SH3BP5: variants seen among roughly 807,000 people sequenced by gnomAD.
SH3BP5 encodes SH3 domain-binding protein 5.
In SH3BP5, 22 loss-of-function variants were observed where a neutral mutation model predicts 43.3. The ratio of observed to expected loss-of-function variants is 0.51; its 90% CI spans 0.36 to 0.73. SH3BP5 has a LOEUF of 0.73. Among genes scored for constraint, SH3BP5 ranks in the 30% least tolerant of loss-of-function variants. The pLI, the probability that SH3BP5 is intolerant of heterozygous loss-of-function variation, is 0.00. For missense variants in SH3BP5, 529 were observed against 586.9 expected, an observed-to-expected ratio of 0.90 and a Z score of 1.02; for synonymous variants, 255 against 225.8, an observed-to-expected ratio of 1.13 and a Z score of -1.16.
chr3:15,296,358 A>ACAC (rs1252475978), intron 3 of SH3BP5, among the ~76,000 whole-genome samples: 1 of 151,770 alleles, frequency 6.6e-6, no homozygotes, highest in Non-Finnish European at 1.5e-5. Context: ...ACACACACAC[A>ACAC]CACACACACA....
At chr3:15,322,438 C>G (rs1261937785) in intron 2 of SH3BP5, among the ~76,000 whole-genome samples, 1 of 152,160 alleles carries the variant, frequency 6.6e-6, no homozygotes, top group Non-Finnish European at 1.5e-5. Context: ...CTTACATGTT[C>G]ATGAGCCAAC....
chr3:15,303,915 C>G lies in SH3BP5; in HGVS notation c.330+188G>C, dbSNP rs77419748. Among the ~76,000 whole-genome samples the G allele has an allele frequency of 4.4e-3, 672 of 152,218 alleles. 15 individuals are homozygous for G. In the East Asian group the frequency reaches 0.051, roughly 12 times the overall value. On this transcript the variant is annotated intron_variant, in intron 3 of 8. Coordinates refer to ENST00000383791, the MANE Select transcript of SH3BP5 (RefSeq NM_004844.5). ...CCCACTTGCAGGGTCATCCAAATGC[C>G]AGCACTCACACCCTATTAATAGTGT...
rs151156327 is a variant in SH3BP5, at chr3:15,256,246, C to G, written c.1208G>C (p.Gly403Ala). Residue 403 changes from glycine to alanine, a missense_variant, in exon 9 of 9, where the codon GGC (glycine) becomes GCC (alanine). Gly to Ala is a moderately conservative substitution (Grantham distance 60). Transcript: ENST00000383791. ...KTSDKANNNR[G>A]LSSSSGSGGS... is the part of the protein sequence containing the mutation. ...ACCACTGCCACTGCTACTGCTGAGGCCCCGGTTGTTGTTGGCTTTGTCACT... is the reference window on the plus strand; with the variant it reads ...ACCACTGCCACTGCTACTGCTGAGGGCCCGGTTGTTGTTGGCTTTGTCACT... 34 of 1,614,200 alleles carry G rather than the reference C, an allele frequency of 2.1e-5. No homozygotes were observed. In the African/African-American group the frequency reaches 3.9e-4, roughly 18 times the overall value.
intron 2 of SH3BP5, 52 bp downstream of exon 2, chr3:15,330,452 G>C (rs1316999852): frequency 5.2e-5 from 75 of 1,454,594 alleles, no homozygotes; most frequent in Non-Finnish European, 7.2e-5. Flanking sequence ...CCAGCCTTGT[G>C]CCGGTGTGAG....
chr3:15,308,558 G>A (rs536832654), intron 2 of SH3BP5, among the ~76,000 whole-genome samples: 3 of 152,142 alleles, frequency 2.0e-5, no homozygotes, highest in African/African-American at 7.2e-5. Context: ...AGAGAAGGGG[G>A]ACATTCGACC....
upstream of SH3BP5, among the ~76,000 whole-genome samples, chr3:15,336,025 T>G (rs1230239287): frequency 1.3e-5 from 2 of 152,144 alleles, no homozygotes; most frequent in Non-Finnish European, 2.9e-5. Context: ...TCCCAGCTAC[T>G]CTGGAGGCTG....
Position 15,258,997 on chromosome 3 carries a change from G to C in SH3BP5, c.723C>G (p.Gly241=), listed in dbSNP as rs151209669. The change falls in exon 7 of 9, where the codon GGC becomes GGG. Residue 241 remains glycine (G), a synonymous_variant. Transcript: ENST00000383791. ...DLQAKLTLAK[G]EYKMALKNLE... ...GGTTCTTCAGGGCCATCTTGTACTCGCCTTTTGCCAGGGTCAGTTTGGCCT... is the reference window on the plus strand; with the variant it reads ...GGTTCTTCAGGGCCATCTTGTACTCCCCTTTTGCCAGGGTCAGTTTGGCCT... 2.5e-6 allele frequency: 4 copies of C among 1,614,170 alleles called. No homozygotes were observed. The Admixed American group carries it at 6.7e-5, about 27-fold the overall frequency.
chr3:15,273,514 G>T (rs1327621565), intron 3 of SH3BP5: 2 of 478,580 alleles, frequency 4.2e-6, no homozygotes, highest in African/African-American at 2.1e-5. Flanking sequence ...CTCCTGTACA[G>T]TGACATAGGA....
At chr3:15,317,044 T>C (rs1698203008) in intron 2 of SH3BP5, among the ~76,000 whole-genome samples, 1 of 152,268 alleles carries the variant, frequency 6.6e-6, no homozygotes, top group African/African-American at 2.4e-5. Flanking sequence ...ACTATTTCCA[T>C]GTTTACGCCA....
rs756789683 is a variant in SH3BP5, at chr3:15,255,262, A to AAATT, written c.*820_*823dup. Reference sequence around the variant, plus strand: ...ATTTTTAAAGTTACAACCTACAGAGAAATTAACATCTTGTCAATCTAATAA... The same window carrying AAATT: ...ATTTTTAAAGTTACAACCTACAGAGAAATTAATTAACATCTTGTCAATCTAATAA... On this transcript the variant is annotated 3_prime_UTR_variant, in exon 9 of 9. Transcript: ENST00000383791. 6.6e-6 allele frequency: 1 copy of AAATT among 152,660 alleles called. No homozygotes were observed. Among genetic ancestry groups the AAATT allele is most frequent in the Non-Finnish European group, 1.5e-5 (1 of 68,046 alleles). The allele number at this position is 152,660 out of a possible 1,614,324, so 9.5% of individuals were successfully genotyped here.
intron 2 of SH3BP5, among the ~76,000 whole-genome samples, chr3:15,312,674 A>G (rs1698088274): frequency 6.6e-6 from 1 of 152,194 alleles, no homozygotes; most frequent in Non-Finnish European, 1.5e-5. Flanking sequence ...TGGTACCACA[A>G]TGTCTTCAGC....
At chr3:15,259,858 C>G in intron 5 of SH3BP5, 55 bp from the exon 6 acceptor site, 2 of 1,490,322 alleles carry the variant, frequency 1.3e-6, no homozygotes, top group Non-Finnish European at 1.9e-6. Flanking sequence ...TGACCACAGT[C>G]AACTCCACAA....
intron 2 of SH3BP5, among the ~76,000 whole-genome samples, chr3:15,312,480 T>C (rs1355188642): frequency 6.6e-6 from 1 of 152,176 alleles, no homozygotes; most frequent in Non-Finnish European, 1.5e-5. Flanking sequence ...TTACCAAGAA[T>C]GTGAAGGGGG....
rs1196041246 is a variant in SH3BP5, at chr3:15,332,055, C to G, written c.138+216G>C. 4 of 708,022 alleles carry G rather than the reference C, an allele frequency of 5.6e-6. No homozygotes were observed. In the Admixed American group the frequency reaches 1.3e-4, roughly 23 times the overall value. The allele number at this position is 708,022 out of a possible 1,614,324, so 43.9% of individuals were successfully genotyped here. On this transcript the variant is annotated intron_variant, in intron 1 of 8. Coordinates refer to ENST00000383791, the MANE Select transcript of SH3BP5 (RefSeq NM_004844.5). ...CCTGCTACGGGTCGGCGGGGGACTCCCCGCAATAGAGTCAGGCCGCATCCA... is the reference window on the plus strand; with the variant it reads ...CCTGCTACGGGTCGGCGGGGGACTCGCCGCAATAGAGTCAGGCCGCATCCA...
chr3:15,299,222 G>A (rs960358567), intron 3 of SH3BP5, among the ~76,000 whole-genome samples: 1 of 152,166 alleles, frequency 6.6e-6, no homozygotes, highest in African/African-American at 2.4e-5. Flanking sequence ...CAGATGGACT[G>A]GCAGATATGT....
chr3:15,280,264 C>T (rs1697085086), intron 3 of SH3BP5, among the ~76,000 whole-genome samples: 1 of 152,160 alleles, frequency 6.6e-6, no homozygotes, highest in Non-Finnish European at 1.5e-5. Flanking sequence ...CCACATTCCT[C>T]CTCATCCTCC....
intron 2 of SH3BP5, among the ~76,000 whole-genome samples, chr3:15,329,690 G>A (rs571114995): frequency 1.3e-5 from 2 of 152,342 alleles, no homozygotes; most frequent in African/African-American, 4.8e-5. Context: ...TCCTGCTACA[G>A]AAACAGACTT....
chr3:15,288,207 G>A (rs1442180318), intron 3 of SH3BP5, among the ~76,000 whole-genome samples: 1 of 152,188 alleles, frequency 6.6e-6, no homozygotes, highest in Non-Finnish European at 1.5e-5. Context: ...CCACACTGGG[G>A]AGGGCAATCG....
At chr3:15,333,303 A>G, upstream of SH3BP5, 1 of 983,178 alleles carries the variant, frequency 1.0e-6, no homozygotes, top group Non-Finnish European at 1.2e-6. Flanking sequence ...ATGAAATGTC[A>G]GGGCCACTGT....
Sources: allele counts gnomAD v4.1 joint callset (sites outside exome capture counted in the v4.1 genomes callset), GRCh38; gene constraint gnomAD v4.1.1; transcripts MANE v1.5; gene names NCBI Gene and HGNC (gene_info 2026-07-23, HGNC 2026-07-21).